Variants in GPR176 observed in about 807,000 individuals in gnomAD.
GPR176 encodes G protein-coupled receptor 176.
A neutral mutation model predicts 35.4 loss-of-function variants in GPR176; 26 were observed. That is an observed-to-expected ratio of 0.74 (90% CI 0.54 to 1.02). GPR176 has a LOEUF of 1.02. Among genes scored for constraint, GPR176 ranks in the 50% least tolerant of loss-of-function variants. The pLI, the probability that GPR176 is intolerant of heterozygous loss-of-function variation, is 0.00. For synonymous variants in GPR176, 278 were observed against 271.3 expected, an observed-to-expected ratio of 1.02 and a Z score of -0.24; for missense variants, 597 against 665.3, an observed-to-expected ratio of 0.90 and a Z score of 1.13.
rs1898934835 is a variant in GPR176 at position 39,802,271 on chromosome 15, C to A, written c.426-17G>T. The A allele has an allele frequency of 1.3e-6, 2 of 1,542,520 alleles. No homozygotes were observed. Among genetic ancestry groups the A allele is most frequent in the South Asian group, 1.2e-5 (1 of 81,870 alleles). ...GAGTAGTACCTGCAAGATACACAAA[C>A]AAAATTAATTCCACAGAAGATACTT... On this transcript the variant is annotated splice_polypyrimidine_tract_variant and intron_variant, in intron 2 of 2. Coordinates refer to ENST00000561100, the MANE Select transcript of GPR176 (RefSeq NM_007223.3).
chr15:39,916,838 T>G (rs576619906), intron 1 of GPR176, among the ~76,000 whole-genome samples: 3 of 152,258 alleles, frequency 2.0e-5, no homozygotes, highest in Non-Finnish European at 4.4e-5. Context: ...GGAGGCTTTA[T>G]GAAATGTGCT....
At chr15:39,886,121 T>C (rs2032664834) in intron 1 of GPR176, among the ~76,000 whole-genome samples, 1 of 152,058 alleles carries the variant, frequency 6.6e-6, no homozygotes. Flanking sequence ...TAATCCCAGC[T>C]ACTCGGGAGG....
intron 1 of GPR176, among the ~76,000 whole-genome samples, chr15:39,824,730 C>T (rs550329503): frequency 3.3e-5 from 5 of 152,290 alleles, no homozygotes; most frequent in Admixed American, 2.6e-4. Context: ...CCACTAGCTC[C>T]ATGCTTACTA....
At chr15:39,844,105 G>A (rs983476624) in intron 1 of GPR176, among the ~76,000 whole-genome samples, 1 of 152,080 alleles carries the variant, frequency 6.6e-6, no homozygotes, top group African/African-American at 2.4e-5. Context: ...GTCCCAAATA[G>A]TTTTCTCCAT....
At chr15:39,882,551 A>G (rs1203886773) in intron 1 of GPR176, among the ~76,000 whole-genome samples, 2 of 152,236 alleles carry the variant, frequency 1.3e-5, no homozygotes, top group Admixed American at 6.5e-5. Flanking sequence ...AAGGTTCACT[A>G]GGATCAGTGC....
At chr15:39,843,062 G>C (rs1181808906) in intron 1 of GPR176, among the ~76,000 whole-genome samples, 1 of 151,924 alleles carries the variant, frequency 6.6e-6, no homozygotes, top group African/African-American at 2.4e-5. Context: ...AAAAAGTGGT[G>C]GGGGGAGCTT....
chr15:39,896,296 A>G (rs1426154430), intron 1 of GPR176, among the ~76,000 whole-genome samples: 1 of 152,198 alleles, frequency 6.6e-6, no homozygotes, highest in African/African-American at 2.4e-5. Context: ...TTCCTAGACT[A>G]GTCTCAAATT....
rs545258320 is a variant in GPR176, at chr15:39,893,936, G to A, written c.172+25919C>T. Among the ~76,000 whole-genome samples the A allele has an allele frequency of 3.3e-3, 447 of 135,770 alleles. 17 individuals carry two copies. The highest frequency in any genetic ancestry group is 0.012 in the African/African-American group (430 of 34,668). The allele number at this position is 135,770 out of a possible 152,430, so 89.1% of individuals were successfully genotyped here. A position where few individuals can be genotyped will look rare whatever the true frequency, so the allele number is the denominator to read the frequency against. On this transcript the variant is annotated intron_variant, in intron 1 of 2. Transcript: ENST00000561100. ...ACCCCCCCCAACCTCCCTCCCGGAC[G>A]GGGCGGCTGGCCGGGCGGGGGGCTG...
At chr15:39,852,815 A>G (rs1382853851) in intron 1 of GPR176, among the ~76,000 whole-genome samples, 1 of 152,146 alleles carries the variant, frequency 6.6e-6, no homozygotes, top group Non-Finnish European at 1.5e-5. Context: ...TTATATCCAC[A>G]ATGTCTAGAG....
At chr15:39,829,147 T>C (rs1416489496) in intron 1 of GPR176, 1 of 1,523,548 alleles carries the variant, frequency 6.6e-7, no homozygotes, top group Non-Finnish European at 8.8e-7. Context: ...CTCCAGAGCC[T>C]GGGATGTGAT....
Position 39,867,570 on chromosome 15 carries a change from G to C in GPR176, c.172+52285C>G, listed in dbSNP as rs551341653. Among the ~76,000 whole-genome samples the C allele has an allele frequency of 2.3e-3, 349 of 152,292 alleles. 1 individual carries two copies. The highest frequency in any genetic ancestry group is 7.8e-3 in the African/African-American group (324 of 41,544). On this transcript the variant is annotated intron_variant, in intron 1 of 2. Coordinates refer to ENST00000561100, the MANE Select transcript of GPR176 (RefSeq NM_007223.3). ...ACGCTGGAGGCTACTCAGGGCCAAA[G>C]GAGGATTTTAGGTGGCTGAGTGAAA... is the stretch of plus-strand genomic sequence containing the variant.
chr15:39,817,631 T>A (rs1001857408), intron 1 of GPR176, among the ~76,000 whole-genome samples: 5 of 152,222 alleles, frequency 3.3e-5, no homozygotes, highest in African/African-American at 1.2e-4. Context: ...AAATTCATGT[T>A]TTTCTCTGAG....
chr15:39,913,897 T>C (rs1351697640), intron 1 of GPR176, among the ~76,000 whole-genome samples: 1 of 152,074 alleles, frequency 6.6e-6, no homozygotes, highest in Non-Finnish European at 1.5e-5. Context: ...ATACAAAACA[T>C]TAGCCGGGCA....
intron 1 of GPR176, among the ~76,000 whole-genome samples, chr15:39,882,308 C>T (rs1375191786): frequency 2.0e-5 from 3 of 152,172 alleles, no homozygotes; most frequent in Non-Finnish European, 4.4e-5. Flanking sequence ...ATATCAACGG[C>T]ATGCAATGTG....
chr15:39,828,696 G>A (rs554275393), intron 1 of GPR176, among the ~76,000 whole-genome samples: 13 of 152,280 alleles, frequency 8.5e-5, no homozygotes, highest in South Asian at 8.3e-4. Context: ...AAAACCTGCC[G>A]TTGTTATAAA....
Position 39,801,344 on chromosome 15 carries a change from G to A in GPR176, c.1336C>T (p.Pro446Ser). 7.4e-6 allele frequency: 12 copies of A among 1,614,098 alleles called. No individual in the cohort carries two copies. The highest frequency in any genetic ancestry group is 1.1e-5 in the South Asian group (1 of 91,088). The change falls in exon 3 of 3, where the codon CCT becomes TCT. Residue 446 changes from proline (P) to serine (S), a missense_variant. Transcript: ENST00000561100. ...CCAAACTGCAGGGAATACTTATCAGGGAATGTTTCAGGTTCCACAGGGGCT... is the reference window on the plus strand; with the variant it reads ...CCAAACTGCAGGGAATACTTATCAGAGAATGTTTCAGGTTCCACAGGGGCT... ...PAAPVEPETF[P>S]DKYSLQFGFG...
intron 1 of GPR176, among the ~76,000 whole-genome samples, chr15:39,838,750 G>A (rs35257258): frequency 0.29 from 43,470 of 152,028 alleles, 7,099 homozygotes; most frequent in Non-Finnish European, 0.38. Context: ...AAAACTGGAA[G>A]CATTCCCTTC....
At chr15:39,911,901 T>G (rs1449870695) in intron 1 of GPR176, among the ~76,000 whole-genome samples, 1 of 152,246 alleles carries the variant, frequency 6.6e-6, no homozygotes, top group Admixed American at 6.5e-5. Flanking sequence ...ATGCTTAAGA[T>G]ATCTTCTTTT....
chr15:39,909,088 G>A (rs2033506713), intron 1 of GPR176, among the ~76,000 whole-genome samples: 1 of 152,208 alleles, frequency 6.6e-6, no homozygotes, highest in African/African-American at 2.4e-5. Flanking sequence ...AGGCTGGAAA[G>A]TTTAAAACAC....
Sources: allele counts gnomAD v4.1 joint callset (sites outside exome capture counted in the v4.1 genomes callset), GRCh38; gene constraint gnomAD v4.1.1; transcripts MANE v1.5; gene names NCBI Gene and HGNC (gene_info 2026-07-23, HGNC 2026-07-21).